Variants in APOB observed in about 807,000 individuals in gnomAD.
APOB encodes apolipoprotein B.
A neutral mutation model predicts 314.1 loss-of-function variants in APOB; 153 were observed. That is an observed-to-expected ratio of 0.49 (90% CI 0.43 to 0.56). APOB has a LOEUF of 0.56. APOB is among the 20% of genes least tolerant of loss of function. The pLI is 0.00. For missense variants in APOB, 5,430 were observed against 5,350.7 expected (o/e 1.01, Z -0.46); for synonymous variants, 2,087 against 2,036.4 (o/e 1.02, Z -0.67).
rs767088564 is a variant in APOB, at chr2:21,008,210, G to A, written c.8658C>T (p.Asn2886=). The A allele has an allele frequency of 1.9e-6, 3 of 1,613,940 alleles. No homozygotes were observed. The highest frequency in any genetic ancestry group is 2.7e-5 in the African/African-American group (2 of 74,880). Residue 2886 remains asparagine, a synonymous_variant, in exon 26 of 29, where the codon AAC becomes AAT. Transcript: ENST00000233242. ...KINNQLTLDS[N]TKYFHKLNIP... is the part of the protein sequence containing the mutation. Reference sequence around the variant, plus strand: ...TGTTCAATTTGTGGAAGTATTTAGTGTTGCTATCCAGGGTAAGCTGATTGT... The same window carrying A: ...TGTTCAATTTGTGGAAGTATTTAGTATTGCTATCCAGGGTAAGCTGATTGT...
intron 25 of APOB, 98 bp from the exon 26 acceptor site, chr2:21,012,749 T>A: frequency 7.4e-7 from 1 of 1,346,400 alleles, no homozygotes; most frequent in Non-Finnish European, 1.0e-6. Context: ...CCCATTTTTC[T>A]GGGCCAATTG....
chr2:21,010,229 A>T lies in APOB; in HGVS notation c.6639T>A (p.Asp2213Glu), dbSNP rs1440962390. ...AATTTACACGGATATGATAGTGCTCATCAAGACTTTTTAATTTTTCAATGA... is the reference window on the plus strand; with the variant it reads ...AATTTACACGGATATGATAGTGCTCTTCAAGACTTTTTAATTTTTCAATGA... Reference protein sequence around the residue: ...DEIIEKLKSLDEHYHIRVNLV... With the variant: ...DEIIEKLKSLEEHYHIRVNLV... Residue 2213 changes from aspartate (D) to glutamate (E), a missense_variant, in exon 26 of 29, where the codon GAT becomes GAA. By Grantham distance (45) the Asp-to-Glu change is conservative. Coordinates refer to ENST00000233242, the MANE Select transcript of APOB (RefSeq NM_000384.3). 6.4e-7 allele frequency: 1 copy of T among 1,550,512 alleles called. No homozygotes were observed. The highest frequency in any genetic ancestry group is 2.3e-5 in the East Asian group (1 of 44,196).
Position 21,016,632 on chromosome 2 carries a change from C to A in APOB, c.3139G>T (p.Ala1047Ser), listed in dbSNP as rs1663473316. The A allele has an allele frequency of 1.2e-6, 2 of 1,606,986 alleles. No individual in the cohort carries two copies. Among genetic ancestry groups the A allele is most frequent in the African/African-American group, 2.7e-5 (2 of 74,876 alleles). ...TQAEGAKQTE[A>S]TMTFKYNRQS... ...CGATTATATTTGAATGTCATGGTAG[C>A]CTCAGTCTGCTTCGCACCTGGACGA... The change falls in exon 21 of 29, where the codon GCT becomes TCT. Residue 1047 changes from alanine (A) to serine (S), a missense_variant. Physicochemically the swap from Ala to Ser is moderately conservative, Grantham distance 99 (BLOSUM62 1). Coordinates refer to ENST00000233242, the MANE Select transcript of APOB (RefSeq NM_000384.3).
At chr2:21,033,756 C>A (rs1404082013) in intron 8 of APOB, among the ~76,000 whole-genome samples, 1 of 152,218 alleles carries the variant, frequency 6.6e-6, no homozygotes, top group Admixed American at 6.5e-5. Context: ...TTCAGCCCTG[C>A]TTCTGAGACC....
In APOB at chr2:21,005,720, G is replaced by A; in HGVS notation, c.11148C>T (p.Gly3716=). 1.2e-6 allele frequency: 2 copies of A among 1,613,930 alleles called. No individual in the cohort carries two copies. Among genetic ancestry groups the A allele is most frequent in the Non-Finnish European group, 1.7e-6 (2 of 1,179,954 alleles). The change falls in exon 26 of 29, where the codon GGC becomes GGT. Residue 3716 remains glycine, a synonymous_variant. Transcript: ENST00000233242. The stretch of plus-strand genomic sequence containing the variant: ...CTTTTACAGGGATGGAGAATGAATA[G>A]CCATTGGGGTTTTTGGTGTACACAA... The part of the protein sequence containing the change: ...TAFVYTKNPN[G]YSFSIPVKVL...
chr2:21,008,044 G>A lies in APOB; in HGVS notation c.8824C>T (p.His2942Tyr), dbSNP rs1558562533. The change falls in exon 26 of 29, where the codon CAT becomes TAT. Residue 2942 changes from histidine (H) to tyrosine (Y), a missense_variant. Physicochemically the swap from His to Tyr is moderately conservative, Grantham distance 83. Transcript: ENST00000233242. ...ATGGTGAAACTAATTTGTGATTCAT[G>A]TGTTCCCTCATCTGAGAATCTGGGG... is the stretch of plus-strand genomic sequence containing the variant. ...ACPRFSDEGTHESQISFTIEG... is the reference protein window; with the variant it reads ...ACPRFSDEGTYESQISFTIEG... The A allele has an allele frequency of 2.5e-6, 4 of 1,614,124 alleles. No homozygotes were observed. The highest frequency in any genetic ancestry group is 2.2e-5 in the East Asian group (1 of 44,880).
chr2:21,025,616 A>G (rs1376434702), intron 15 of APOB, among the ~76,000 whole-genome samples: 1 of 152,228 alleles, frequency 6.6e-6, no homozygotes, highest in African/African-American at 2.4e-5. Flanking sequence ...CATTGGGAAA[A>G]AAAAAATGTG....
intron 19 of APOB, among the ~76,000 whole-genome samples, chr2:21,019,344 G>A (rs532163311): frequency 2.6e-5 from 4 of 152,200 alleles, no homozygotes; most frequent in African/African-American, 9.6e-5. Context: ...GGAGTTGGCT[G>A]GTTGTTTCAG....
intron 10 of APOB, among the ~76,000 whole-genome samples, chr2:21,030,322 G>C (rs1260757025): frequency 2.0e-5 from 3 of 152,090 alleles, no homozygotes; most frequent in African/African-American, 7.2e-5. Flanking sequence ...ACGGATCTTT[G>C]ACAAAATTGA....
Position 21,007,878 on chromosome 2 carries a change from A to G in APOB, c.8990T>C (p.Val2997Ala), listed in dbSNP as rs1481267988. ...TTTAGCAGTTAGAACACTGTGGCCC[A>G]CATGCTGGGAATCGACTTGTGATTG... ...EIQSQVDSQH[V>A]GHSVLTAKGM... The change falls in exon 26 of 29, where the codon GTG (valine) becomes GCG (alanine). Residue 2997 changes from valine to alanine, a missense_variant. Physicochemically the swap from Val to Ala is moderately conservative, Grantham distance 64. Transcript: ENST00000233242. 3.7e-6 allele frequency: 6 copies of G among 1,613,932 alleles called. No homozygotes were observed. Among genetic ancestry groups the G allele is most frequent in the Non-Finnish European group, 5.1e-6 (6 of 1,179,974 alleles).
In APOB at chr2:21,013,353, G is replaced by C; in HGVS notation, c.4023C>G (p.Thr1341=). The C allele has an allele frequency of 6.2e-7, 1 of 1,614,156 alleles. No homozygotes were observed. The highest frequency in any genetic ancestry group is 8.5e-7 in the Non-Finnish European group (1 of 1,180,040). ...CTTGCAGTTGATACAACTTGGGAAT[G>C]GTAAAAGTAGGGACTTGGAACTCTC... ...PSREFQVPTF[T]IPKLYQLQVP... The change falls in exon 25 of 29, where the codon ACC becomes ACG. Residue 1341 remains threonine (T), a synonymous_variant. Coordinates refer to ENST00000233242, the MANE Select transcript of APOB (RefSeq NM_000384.3).
At chr2:21,036,991 C>T in intron 6 of APOB, 109 bp downstream of exon 6, 2 of 1,400,380 alleles carry the variant, frequency 1.4e-6, no homozygotes, top group South Asian at 1.2e-5. Flanking sequence ...GTATAAAAAA[C>T]AGCCAGGGCA....
chr2:21,022,976 T>A lies in APOB; in HGVS notation c.2671A>T (p.Ile891Phe). ...ACCCCACTCCTAGCGAAGTCCGGAATGATGATGCCCATATTTGTCACAAAC... is the reference window on the plus strand; with the variant it reads ...ACCCCACTCCTAGCGAAGTCCGGAAAGATGATGCCCATATTTGTCACAAAC... ...VEFVTNMGIIIPDFARSGVQM... is the reference protein window; with the variant it reads ...VEFVTNMGIIFPDFARSGVQM... Residue 891 changes from isoleucine to phenylalanine, a missense_variant, in exon 18 of 29, where the codon ATT becomes TTT. Physicochemically the swap from Ile to Phe is conservative, Grantham distance 21. Transcript: ENST00000233242. 1 of 1,614,202 alleles carries A rather than the reference T, an allele frequency of 6.2e-7. No homozygotes were observed. The highest frequency in any genetic ancestry group is 1.1e-5 in the South Asian group (1 of 91,082).
At chr2:21,032,271 G>C in intron 10 of APOB, 83 bp downstream of exon 10, 1 of 1,225,414 alleles carries the variant, frequency 8.2e-7, no homozygotes, top group African/African-American at 1.5e-5. Context: ...GTGGAAGGAG[G>C]GGTTCAGTTT....
Position 21,035,643 on chromosome 2 carries a change from C to A in APOB, c.759G>T (p.Arg253Ser). 6 of 1,614,134 alleles carry A rather than the reference C, an allele frequency of 3.7e-6. No homozygotes were observed. Among genetic ancestry groups the A allele is most frequent in the Non-Finnish European group, 4.2e-6 (5 of 1,180,036 alleles). ...TGCAGATGGCTTCTGCCACATGCTT[C>A]CTCTTAGCGTCCAGTGTGTACTGAC... is the stretch of plus-strand genomic sequence containing the variant. The part of the protein sequence containing the change: ...QSCQYTLDAK[R>S]KHVAEAICKE... The change falls in exon 7 of 29, where the codon AGG becomes AGT. Residue 253 changes from arginine (R) to serine (S), a missense_variant. Transcript: ENST00000233242.
chr2:21,009,843 T>C lies in APOB; in HGVS notation c.7025A>G (p.His2342Arg), dbSNP rs1380450656. Reference protein sequence around the residue: ...EKINAFRAKVHELIERYEVDQ... With the variant: ...EKINAFRAKVRELIERYEVDQ... ...TACTTCATACCTCTCGATTAACTCA[T>C]GGACTTTGGCTCTGAAGGCATTGAT... Residue 2342 changes from histidine (H) to arginine (R), a missense_variant, in exon 26 of 29, where the codon CAT (histidine) becomes CGT (arginine). By Grantham distance (29) the His-to-Arg change is conservative (BLOSUM62 0). Coordinates refer to ENST00000233242, the MANE Select transcript of APOB (RefSeq NM_000384.3). 2 of 1,613,962 alleles carry C rather than the reference T, an allele frequency of 1.2e-6. No individual in the cohort carries two copies. The highest frequency in any genetic ancestry group is 1.3e-5 in the African/African-American group (1 of 74,924).
chr2:21,033,421 T>C lies in APOB; in HGVS notation c.1002A>G (p.Lys334=), dbSNP rs933954323. The C allele has an allele frequency of 6.2e-7, 1 of 1,614,176 alleles. No individual in the cohort carries two copies. The highest frequency in any genetic ancestry group is 8.5e-7 in the Non-Finnish European group (1 of 1,180,026). Residue 334 remains lysine, a synonymous_variant, in exon 9 of 29, where the codon AAA becomes AAG. Transcript: ENST00000233242. ...AVLKTLQELK[K]LTISEQNIQR... ...GGATATTTTGCTCAGAGATGGTTAGTTTTTTCAGTTCCTGGAGAGTCTTCA... is the reference window on the plus strand; with the variant it reads ...GGATATTTTGCTCAGAGATGGTTAGCTTTTTCAGTTCCTGGAGAGTCTTCA...
Position 21,007,948 on chromosome 2 carries a change from A to G in APOB, c.8920T>C (p.Leu2974=). Residue 2974 remains leucine (L), a synonymous_variant, in exon 26 of 29, where the codon TTG becomes CTG. Coordinates refer to ENST00000233242, the MANE Select transcript of APOB (RefSeq NM_000384.3). ...TTGAGGGAGCCAGATTCATAAACCA[A>G]GTTTTGGTTTACTCTTAGGTGTTTG... ...NSKHLRVNQN[L]VYESGSLNFS... 1 of 1,614,014 alleles carries G rather than the reference A, an allele frequency of 6.2e-7. No individual in the cohort carries two copies. The highest frequency in any genetic ancestry group is 1.1e-5 in the South Asian group (1 of 91,072).
rs1296658779 is a variant in APOB, at chr2:21,033,464, T to A, written c.959A>T (p.Lys320Met). The change falls in exon 9 of 29, where the codon AAG (lysine) becomes ATG (methionine). Residue 320 changes from lysine (K) to methionine (M), a missense_variant. Physicochemically the swap from Lys to Met is moderately conservative, Grantham distance 95 (BLOSUM62 -1). Transcript: ENST00000233242. ...FESTKSTSPP[K>M]QAEAVLKTLQ... ...AGTCTTCAAAACAGCTTCGGCCTGC[T>A]TTGGAGGTGATGTGGATTTGGTGCT... The A allele has an allele frequency of 1.2e-6, 2 of 1,614,160 alleles. No homozygotes were observed. The highest frequency in any genetic ancestry group is 4.5e-5 in the East Asian group (2 of 44,872).
Sources: gnomAD v4.1 joint callset for allele counts (sites outside exome capture counted in the v4.1 genomes callset) on GRCh38, gnomAD v4.1.1 for gene constraint, MANE v1.5 for transcripts, NCBI Gene and HGNC (gene_info 2026-07-23, HGNC 2026-07-21) for gene names.